Variants in CPAP observed in about 807,000 individuals in gnomAD.
CPAP encodes the protein centrosomal P4.1-associated protein.
the CPAP span, chr13:24,905,846 C>A: frequency 1.9e-6 from 3 of 1,614,056 alleles, no homozygotes; most frequent in Non-Finnish European, 2.5e-6. Context: ...GACTTGTGGG[C>A]TATCCTCTCT....
At chr13:24,908,054 T>A in the CPAP span, 2 of 1,613,104 alleles carry the variant, frequency 1.2e-6, no homozygotes, top group Non-Finnish European at 1.7e-6. Context: ...GGAATCATCA[T>A]GTTTTTGTAA....
the CPAP span, chr13:24,922,907 G>GTC: frequency 6.6e-6 from 1 of 152,364 alleles, no homozygotes; most frequent in Non-Finnish European, 1.5e-5. Flanking sequence ...TCACCCGCGC[G>GTC]TCTGCGCTAA....
chr13:24,918,915 A>C, the CPAP span, among the ~76,000 whole-genome samples: 10 of 152,156 alleles, frequency 6.6e-5, no homozygotes, highest in Non-Finnish European at 1.2e-4. Flanking sequence ...AGTCAACTGT[A>C]ATTAGTCACC....
At chr13:24,930,622 T>TG in the CPAP span, among the ~76,000 whole-genome samples, 1 of 152,202 alleles carries the variant, frequency 6.6e-6, no homozygotes, top group Non-Finnish European at 1.5e-5. Flanking sequence ...GTTGCATCCA[T>TG]GTTGCTGCAA....
chr13:24,887,992 G>A, the CPAP span, among the ~76,000 whole-genome samples: 2 of 152,292 alleles, frequency 1.3e-5, no homozygotes, highest in South Asian at 2.1e-4. Context: ...GGGCAGTTCC[G>A]GGCTGCCACT....
the CPAP span, chr13:24,883,849 C>T: frequency 1.8e-6 from 2 of 1,134,806 alleles, no homozygotes; most frequent in Admixed American, 1.7e-5. Context: ...TCAAACTGAA[C>T]CCCCTAATAT....
the CPAP span, among the ~76,000 whole-genome samples, chr13:24,928,953 T>C: frequency 6.6e-6 from 1 of 152,266 alleles, no homozygotes; most frequent in Non-Finnish European, 1.5e-5. Context: ...GAATCTTTGA[T>C]GTGATAACTG....
chr13:24,903,835 G>A, the CPAP span: 1 of 1,333,218 alleles, frequency 7.5e-7, no homozygotes, highest in East Asian at 2.3e-5. Context: ...TTGTTTGACT[G>A]ATTTAAATTG....
At chr13:24,888,270 C>A in the CPAP span, among the ~76,000 whole-genome samples, 1 of 151,612 alleles carries the variant, frequency 6.6e-6, no homozygotes, top group Non-Finnish European at 1.5e-5. Context: ...AAAAAAAACA[C>A]AAACTGAAAA....
chr13:24,923,140 C>T, the CPAP span, among the ~76,000 whole-genome samples: 1 of 152,212 alleles, frequency 6.6e-6, no homozygotes, highest in East Asian at 1.9e-4. Context: ...AAGGGAACGC[C>T]TAACGGAGCG....
the CPAP span, chr13:24,910,083 A>C: frequency 1.2e-6 from 2 of 1,611,696 alleles, no homozygotes; most frequent in Non-Finnish European, 8.5e-7. Flanking sequence ...CAGTAAACTC[A>C]AACCTTACAA....
At chr13:24,914,466 A>G in the CPAP span, among the ~76,000 whole-genome samples, 7 of 152,102 alleles carry the variant, frequency 4.6e-5, no homozygotes, top group Non-Finnish European at 8.8e-5. Flanking sequence ...CGAGCCCCAA[A>G]ACACTAACAG....
At chr13:24,926,677 GA>G in the CPAP span, among the ~76,000 whole-genome samples, 44 of 151,986 alleles carry the variant, frequency 2.9e-4, no homozygotes, top group African/African-American at 1.0e-3. Context: ...CAATAAATTG[GA>G]AAAAAAGACA....
chr13:24,887,420 C>G, the CPAP span, among the ~76,000 whole-genome samples: 24 of 152,184 alleles, frequency 1.6e-4, no homozygotes, highest in Non-Finnish European at 2.8e-4. Context: ...ACTCGCATTA[C>G]CACCTGAGCT....
chr13:24,910,683 A>T, the CPAP span, among the ~76,000 whole-genome samples: 1 of 152,252 alleles, frequency 6.6e-6, no homozygotes, highest in Non-Finnish European at 1.5e-5. Context: ...GCATGAGGCT[A>T]GTTCTTATGT....
chr13:24,919,534 C>A, the CPAP span, among the ~76,000 whole-genome samples: 1 of 151,896 alleles, frequency 6.6e-6, no homozygotes, highest in African/African-American at 2.4e-5. Context: ...ATCCTCCCAC[C>A]TCAAGCCTCC....
the CPAP span, among the ~76,000 whole-genome samples, chr13:24,912,289 A>C: frequency 2.0e-5 from 3 of 152,222 alleles, no homozygotes. Flanking sequence ...AAACAGTCAT[A>C]TAAATCCTTT....
the CPAP span, chr13:24,892,914 A>C: frequency 7.6e-7 from 1 of 1,316,822 alleles, no homozygotes; most frequent in Non-Finnish European, 1.1e-6. Context: ...CTACATTACC[A>C]GAATTAAAAC....
the CPAP span, chr13:24,909,852 T>G: frequency 6.2e-7 from 1 of 1,614,066 alleles, no homozygotes. Context: ...TTCTTGATAC[T>G]GTGCCTCAGA....
Sources: allele counts gnomAD v4.1 joint callset (sites outside exome capture counted in the v4.1 genomes callset), GRCh38; gene constraint gnomAD v4.1.1; transcripts MANE v1.5; gene names NCBI Gene and HGNC (gene_info 2026-07-23, HGNC 2026-07-21).